Variants in CDC5L observed in about 807,000 individuals in gnomAD.
CDC5L encodes cell division cycle 5 like.
Under a neutral mutation model 104.1 loss-of-function variants are expected in CDC5L, and 18 were observed. The ratio of observed to expected loss-of-function variants is 0.17; its 90% CI spans 0.12 to 0.26. The LOEUF (loss-of-function observed/expected upper bound fraction) is 0.26, where lower values mean the gene tolerates loss of function less well. Ranked by LOEUF, CDC5L falls within the 10% of genes least tolerant of loss-of-function variation. CDC5L has a pLI of 1.00. For synonymous variants in CDC5L, 331 were observed against 322.7 expected, an observed-to-expected ratio of 1.03 and a Z score of -0.28; for missense variants, 673 against 956.9, an observed-to-expected ratio of 0.70 and a Z score of 3.91.
chr6:44,398,682 T>A (rs936674722), intron 5 of CDC5L, among the ~76,000 whole-genome samples: 1 of 152,266 alleles, frequency 6.6e-6, no homozygotes, highest in Non-Finnish European at 1.5e-5. Context: ...TATAATGCTA[T>A]ATGGCTTGGT....
Position 44,408,548 on chromosome 6 carries a change from A to G in CDC5L, c.1008A>G (p.Thr336=). 1 of 1,613,940 alleles carries G rather than the reference A, an allele frequency of 6.2e-7. No homozygotes were observed. The highest frequency in any genetic ancestry group is 1.1e-5 in the South Asian group (1 of 91,076). Residue 336 remains threonine (T), a synonymous_variant, in exon 8 of 16, where the codon ACA becomes ACG. Coordinates refer to ENST00000371477, the MANE Select transcript of CDC5L (RefSeq NM_001253.4). ...ESGITNSASS[T]LLSEYNVTNN... ...GCATAACAAATTCTGCTTCCAGTACACTTTTGTCTGAGTACAATGTCACCA... is the reference window on the plus strand; with the variant it reads ...GCATAACAAATTCTGCTTCCAGTACGCTTTTGTCTGAGTACAATGTCACCA...
chr6:44,408,412 T>C, intron 7 of CDC5L, 32 bp from the exon 8 acceptor site: 3 of 1,553,684 alleles, frequency 1.9e-6, no homozygotes, highest in Non-Finnish European at 2.7e-6. Flanking sequence ...TCAGTTAAAA[T>C]GTTGCTTACT....
chr6:44,420,705 C>T (rs1041605348), intron 9 of CDC5L, among the ~76,000 whole-genome samples: 2 of 152,134 alleles, frequency 1.3e-5, no homozygotes, highest in African/African-American at 2.4e-5. Flanking sequence ...AGGAAACGCT[C>T]ATTGAAACGT....
chr6:44,411,631 A>AGTGTGTGTGTGTGT (rs756188413), intron 8 of CDC5L, among the ~76,000 whole-genome samples: 701 of 9,176 alleles, frequency 0.076, 8 homozygotes, highest in African/African-American at 0.16. Context: ...AGAGAGAGAG[A>AGTGTGTGTGTGTGT]GAGAGAGTGT....
intron 14 of CDC5L, among the ~76,000 whole-genome samples, chr6:44,435,471 G>T (rs1380719555): frequency 2.6e-5 from 4 of 151,976 alleles, no homozygotes; most frequent in Admixed American, 6.5e-5. Flanking sequence ...TTGTTTACAT[G>T]TGTCTAGAAT....
At chr6:44,438,201 G>A (rs1465638782) in intron 14 of CDC5L, among the ~76,000 whole-genome samples, 2 of 152,180 alleles carry the variant, frequency 1.3e-5, no homozygotes, top group African/African-American at 4.8e-5. Context: ...ACCTGCCTTG[G>A]CCTCCCAAAG....
At chr6:44,392,584 G>A in intron 2 of CDC5L, 83 bp from the exon 3 acceptor site, 1 of 1,247,768 alleles carries the variant, frequency 8.0e-7, no homozygotes, top group African/African-American at 1.5e-5. Context: ...AAGGATGAGA[G>A]CACAAGTCAG....
At chr6:44,389,981 A>T (rs1407352753) in intron 1 of CDC5L, among the ~76,000 whole-genome samples, 2 of 152,190 alleles carry the variant, frequency 1.3e-5, no homozygotes, top group Admixed American at 6.5e-5. Flanking sequence ...AATTTTTGTC[A>T]TAAAGTAGGG....
rs1791243897 is a variant in CDC5L, at chr6:44,403,811, G to A, written c.542G>A (p.Arg181His). 1.2e-6 allele frequency: 2 copies of A among 1,602,550 alleles called. No homozygotes were observed. Among genetic ancestry groups the A allele is most frequent in the Non-Finnish European group, 1.7e-6 (2 of 1,176,222 alleles). Reference protein sequence around the residue: ...AREKQLEEARRLAALQKRREL... With the variant: ...AREKQLEEARHLAALQKRREL... Reference sequence around the variant, plus strand: ...AAGTGATTTTGCATTCTTTTCAGACGTCTTGCTGCCCTCCAAAAAAGAAGA... The same window carrying A: ...AAGTGATTTTGCATTCTTTTCAGACATCTTGCTGCCCTCCAAAAAAGAAGA... Residue 181 changes from arginine to histidine, a missense_variant and splice_region_variant, in exon 6 of 16, where the codon CGT becomes CAT. Arg to His is a conservative substitution (Grantham distance 29, BLOSUM62 0). Coordinates refer to ENST00000371477, the MANE Select transcript of CDC5L (RefSeq NM_001253.4).
intron 8 of CDC5L, among the ~76,000 whole-genome samples, chr6:44,417,354 C>G (rs1369149396): frequency 2.0e-5 from 3 of 152,074 alleles, no homozygotes; most frequent in Admixed American, 6.6e-5. Context: ...GAACTTCTCA[C>G]GTGGTATCTC....
At chr6:44,444,667 G>C (rs994823414) in intron 14 of CDC5L, among the ~76,000 whole-genome samples, 3 of 152,156 alleles carry the variant, frequency 2.0e-5, no homozygotes, top group Non-Finnish European at 4.4e-5. Flanking sequence ...TTTCTTCACT[G>C]CTCCCAGGGA....
At chr6:44,438,321 A>G (rs1278515193) in intron 14 of CDC5L, among the ~76,000 whole-genome samples, 1 of 152,188 alleles carries the variant, frequency 6.6e-6, no homozygotes, top group African/African-American at 2.4e-5. Flanking sequence ...CTTATTGGAA[A>G]TGAGGACTTT....
intron 14 of CDC5L, among the ~76,000 whole-genome samples, chr6:44,442,814 CA>C (rs796156295): frequency 6.6e-6 from 1 of 151,954 alleles, no homozygotes; most frequent in Admixed American, 6.6e-5. Context: ...CCAAAATATA[CA>C]AAAAAAGTTT....
chr6:44,398,542 C>T (rs1259508708), intron 5 of CDC5L, among the ~76,000 whole-genome samples: 4 of 152,188 alleles, frequency 2.6e-5, no homozygotes, highest in Non-Finnish European at 5.9e-5. Context: ...AAGTGCAGGG[C>T]AGGGCTATTT....
At chr6:44,388,676 T>C (rs1790461176) in intron 1 of CDC5L, among the ~76,000 whole-genome samples, 1 of 102,544 alleles carries the variant, frequency 9.8e-6, no homozygotes, top group African/African-American at 5.0e-5. Context: ...TTATGGCTTC[T>C]TTTTTTTTTT....
chr6:44,429,072 G>T (rs1399074897), intron 13 of CDC5L, among the ~76,000 whole-genome samples: 1 of 148,708 alleles, frequency 6.7e-6, no homozygotes, highest in Non-Finnish European at 1.5e-5. Flanking sequence ...CACAGGCTGG[G>T]GTGCAGTGGC....
intron 7 of CDC5L, among the ~76,000 whole-genome samples, chr6:44,408,034 G>A (rs1417953963): frequency 6.6e-6 from 1 of 151,944 alleles, no homozygotes; most frequent in Non-Finnish European, 1.5e-5. Context: ...ATGTTGATTT[G>A]AAAGAATTTC....
At chr6:44,445,967 G>A in intron 15 of CDC5L, 100 bp downstream of exon 15, 2 of 900,450 alleles carry the variant, frequency 2.2e-6, no homozygotes, top group Non-Finnish European at 1.7e-6. Context: ...TCTGAAGTTG[G>A]TACTGTCAGG....
rs191926837 is a variant in CDC5L, at chr6:44,400,752, G to T, written c.540-3057G>T. 2.8e-4 allele frequency among the ~76,000 whole-genome samples: 42 copies of T among 152,230 alleles called. No individual in the cohort carries two copies. The East Asian group carries it at 7.9e-3, about 29-fold the overall frequency. On this transcript the variant is annotated intron_variant, in intron 5 of 15. Transcript: ENST00000371477. Reference sequence around the variant, plus strand: ...AAGCATCTGATGTTGCTCCTCACAGGGTATGCTCACAGTCACCCTGGGATA... The same window carrying T: ...AAGCATCTGATGTTGCTCCTCACAGTGTATGCTCACAGTCACCCTGGGATA...
Sources: allele counts gnomAD v4.1 joint callset (sites outside exome capture counted in the v4.1 genomes callset), GRCh38; gene constraint gnomAD v4.1.1; transcripts MANE v1.5; gene names NCBI Gene and HGNC (gene_info 2026-07-23, HGNC 2026-07-21).